The following PXDNL variants were observed in gnomAD, a reference collection of about 807,000 sequenced individuals.
PXDNL encodes peroxidasin like, also known as probable oxidoreductase PXDNL.
In PXDNL, 145 loss-of-function variants were observed where a neutral mutation model predicts 150.8. The ratio of observed to expected loss-of-function variants is 0.96; its 90% confidence interval spans 0.84 to 1.10. The LOEUF is 1.10. PXDNL is among the 50% of genes least tolerant of loss of function. The pLI is 0.00. For synonymous variants in PXDNL, 757 were observed against 725.7 expected, an observed-to-expected ratio of 1.04 and a Z score of -0.69; for missense variants, 2,087 against 1,873.9, an observed-to-expected ratio of 1.11 and a Z score of -2.10.
chr8:51,603,716 A>G (rs938796812), intron 2 of PXDNL, among the ~76,000 whole-genome samples: 26 of 152,258 alleles, frequency 1.7e-4, no homozygotes, highest in South Asian at 1.4e-3. Context: ...TAATAATAGT[A>G]GATAATATGT....
chr8:51,399,329 C>G (rs946722375), intron 17 of PXDNL, among the ~76,000 whole-genome samples: 1 of 152,142 alleles, frequency 6.6e-6, no homozygotes, highest in African/African-American at 2.4e-5. Context: ...GGAAACAACC[C>G]AAATGGCTGC....
intron 12 of PXDNL, among the ~76,000 whole-genome samples, chr8:51,437,650 TA>T (rs1809439445): frequency 6.6e-6 from 1 of 152,178 alleles, no homozygotes; most frequent in South Asian, 2.1e-4. Context: ...TCTTTATGAC[TA>T]AAACCCTCAC....
At chr8:51,420,202 TTC>T (rs1398062159) in intron 14 of PXDNL, among the ~76,000 whole-genome samples, 1 of 152,218 alleles carries the variant, frequency 6.6e-6, no homozygotes, top group Non-Finnish European at 1.5e-5. Context: ...AATTACAACA[TTC>T]TACAATAACT....
intron 1 of PXDNL, among the ~76,000 whole-genome samples, chr8:51,726,235 C>T (rs1460985362): frequency 6.6e-6 from 1 of 152,180 alleles, no homozygotes; most frequent in Non-Finnish European, 1.5e-5. Context: ...GAATGAGTCC[C>T]ATTACCTCTG....
chr8:51,697,392 G>T (rs908174944), intron 1 of PXDNL, among the ~76,000 whole-genome samples: 1 of 152,098 alleles, frequency 6.6e-6, no homozygotes. Context: ...AAGATTCACT[G>T]GGTTTATTGG....
intron 4 of PXDNL, among the ~76,000 whole-genome samples, chr8:51,540,195 G>A (rs775717654): frequency 6.6e-6 from 1 of 152,052 alleles, no homozygotes; most frequent in Non-Finnish European, 1.5e-5. Flanking sequence ...ACTGAGTCTG[G>A]ACCAGTTATC....
intron 1 of PXDNL, among the ~76,000 whole-genome samples, chr8:51,696,672 CACACATCCACACACACAG>C: frequency 8.4e-6 from 1 of 118,994 alleles, no homozygotes. Flanking sequence ...CACAGGTCCA[CACACATCCACACACACAG>C]GTCCACACAC....
chr8:51,461,774 T>G (rs1309152591), intron 8 of PXDNL, among the ~76,000 whole-genome samples: 2 of 152,230 alleles, frequency 1.3e-5, no homozygotes, highest in African/African-American at 2.4e-5. Context: ...CAACAGTGAT[T>G]GGAGGAGGGT....
At chr8:51,371,031 C>A (rs539814404) in intron 19 of PXDNL, among the ~76,000 whole-genome samples, 1 of 152,234 alleles carries the variant, frequency 6.6e-6, no homozygotes, top group Admixed American at 6.5e-5. Flanking sequence ...GGCCACTACA[C>A]GGAGCAAGCA....
At chr8:51,461,541 C>T (rs555832409) in intron 8 of PXDNL, among the ~76,000 whole-genome samples, 1 of 152,342 alleles carries the variant, frequency 6.6e-6, no homozygotes, top group South Asian at 2.1e-4. Context: ...GGCACTACAC[C>T]AACTGCATAG....
intron 1 of PXDNL, among the ~76,000 whole-genome samples, chr8:51,778,230 G>C (rs1271634832): frequency 6.6e-6 from 1 of 151,296 alleles, no homozygotes; most frequent in Non-Finnish European, 1.5e-5. Context: ...AGTGAGCCGA[G>C]ATCGCGCCAC....
At chr8:51,496,502 A>AGATG in intron 5 of PXDNL, among the ~76,000 whole-genome samples, 1 of 152,338 alleles carries the variant, frequency 6.6e-6, no homozygotes, top group East Asian at 1.9e-4. Flanking sequence ...CCCTGTTTGC[A>AGATG]GATGACATGA....
chr8:51,727,716 T>C (rs1179613631), intron 1 of PXDNL, among the ~76,000 whole-genome samples: 1 of 152,166 alleles, frequency 6.6e-6, no homozygotes, highest in East Asian at 1.9e-4. Flanking sequence ...CCAGGTTAGC[T>C]GTGGAACTAG....
chr8:51,376,891 TG>T (rs1319218924), intron 17 of PXDNL, among the ~76,000 whole-genome samples: 11 of 152,132 alleles, frequency 7.2e-5, no homozygotes, highest in South Asian at 4.2e-4. Context: ...GCTAATTTTT[TG>T]TATTTTTAGT....
At chr8:51,493,987 C>A (rs923767164) in intron 5 of PXDNL, among the ~76,000 whole-genome samples, 1 of 152,046 alleles carries the variant, frequency 6.6e-6, no homozygotes, top group African/African-American at 2.4e-5. Context: ...GTCAGATTCA[C>A]CAAAGTTGAA....
At chr8:51,334,731 A>C (rs1382955060) in intron 21 of PXDNL, among the ~76,000 whole-genome samples, 1 of 152,176 alleles carries the variant, frequency 6.6e-6, no homozygotes, top group Non-Finnish European at 1.5e-5. Context: ...GAGATGGATA[A>C]ATTCCTGGAA....
intron 17 of PXDNL, among the ~76,000 whole-genome samples, chr8:51,400,267 C>CT (rs1320136105): frequency 2.0e-5 from 3 of 152,116 alleles, no homozygotes; most frequent in Non-Finnish European, 4.4e-5. Context: ...CTGTGGAAGT[C>CT]TTTTTTCCCT....
chr8:51,551,359 C>T (rs1215475257), intron 4 of PXDNL, among the ~76,000 whole-genome samples: 2 of 151,790 alleles, frequency 1.3e-5, no homozygotes. Context: ...AAAAAAGAGC[C>T]CACAAAAGCA....
intron 14 of PXDNL, among the ~76,000 whole-genome samples, chr8:51,421,654 G>C (rs1808957354): frequency 6.6e-6 from 1 of 152,110 alleles, no homozygotes; most frequent in South Asian, 2.1e-4. Context: ...AGCCGAGATT[G>C]TGCCCCTGCA....
Sources: allele counts gnomAD v4.1 joint callset (sites outside exome capture counted in the v4.1 genomes callset), GRCh38; gene constraint gnomAD v4.1.1; transcripts MANE v1.5; gene names NCBI Gene and HGNC (gene_info 2026-07-23, HGNC 2026-07-21).